Variants in ERC1 observed in about 807,000 individuals in gnomAD.
The protein encoded by ERC1 is ELKS/RAB6-interacting/CAST family member 1, also known as RAB6 interacting protein 2.
ERC1 carries 56 observed loss-of-function variants against 132.0 expected under a neutral mutation model. The observed-to-expected ratio is 0.42, with a 90% CI of 0.34 to 0.53. ERC1 has a LOEUF of 0.53. Among genes scored for constraint, ERC1 ranks in the 20% least tolerant of loss-of-function variants. ERC1 has a pLI of 0.03. For missense variants in ERC1, 1,202 were observed against 1,349.9 expected, an observed-to-expected ratio of 0.89 and a Z score of 1.72; for synonymous variants, 478 against 476.1, an observed-to-expected ratio of 1.00 and a Z score of -0.05.
intron 1 of ERC1, among the ~76,000 whole-genome samples, chr12:1,025,216 G>A (rs1297053797): frequency 6.6e-6 from 1 of 152,058 alleles, no homozygotes; most frequent in South Asian, 2.1e-4. Context: ...AAAAATTCAG[G>A]TGCTTTATGG....
chr12:1,037,654 CTTTG>C (rs1969335857), intron 2 of ERC1, among the ~76,000 whole-genome samples: 1 of 151,958 alleles, frequency 6.6e-6, no homozygotes, highest in African/African-American at 2.4e-5. Context: ...TTTTTTCTTT[CTTTG>C]TTAGTATTGT....
chr12:1,427,442 A>T (rs1485871662), intron 17 of ERC1, among the ~76,000 whole-genome samples: 2 of 152,248 alleles, frequency 1.3e-5, no homozygotes, highest in African/African-American at 4.8e-5. Context: ...ACAGATCAGC[A>T]TTACTGTTTC....
chr12:1,468,013 G>C (rs1203671700), intron 18 of ERC1, among the ~76,000 whole-genome samples: 2 of 152,170 alleles, frequency 1.3e-5, no homozygotes, highest in African/African-American at 2.4e-5. Context: ...CTGCTGTGTG[G>C]CCCAGTTCCT....
intron 16 of ERC1, among the ~76,000 whole-genome samples, chr12:1,374,462 A>G (rs1355543899): frequency 6.6e-6 from 1 of 152,074 alleles, no homozygotes; most frequent in Non-Finnish European, 1.5e-5. Context: ...GCATCAGAGG[A>G]AGGGGCCAGG....
At chr12:1,474,342 A>G (rs1464803108) in intron 18 of ERC1, among the ~76,000 whole-genome samples, 1 of 152,238 alleles carries the variant, frequency 6.6e-6, no homozygotes, top group Non-Finnish European at 1.5e-5. Context: ...GTCACTGCCA[A>G]CCACAGAGGA....
chr12:1,374,994 C>T (rs543515551), intron 16 of ERC1, among the ~76,000 whole-genome samples: 2 of 152,196 alleles, frequency 1.3e-5, no homozygotes, highest in African/African-American at 4.8e-5. Flanking sequence ...TTCTTTGATT[C>T]CAGTGTTTTG....
intron 15 of ERC1, among the ~76,000 whole-genome samples, chr12:1,366,972 T>C (rs1164496891): frequency 6.6e-6 from 1 of 152,128 alleles, no homozygotes; most frequent in Non-Finnish European, 1.5e-5. Context: ...TTCAGTGAGG[T>C]CCACCCACAG....
At chr12:1,092,637 A>G (rs539880836) in intron 3 of ERC1, among the ~76,000 whole-genome samples, 1 of 152,220 alleles carries the variant, frequency 6.6e-6, no homozygotes, top group African/African-American at 2.4e-5. Context: ...AAATAAGTTT[A>G]AAAAAACTAA....
intron 2 of ERC1, among the ~76,000 whole-genome samples, chr12:1,074,163 G>A (rs909494088): frequency 1.3e-5 from 2 of 151,876 alleles, no homozygotes; most frequent in Non-Finnish European, 2.9e-5. Flanking sequence ...TGCCTGGCCT[G>A]TGATAGGAAT....
chr12:1,125,255 G>C (rs150343687), intron 7 of ERC1, among the ~76,000 whole-genome samples: 1,711 of 151,778 alleles, frequency 0.011, 17 homozygotes, highest in Middle Eastern at 0.044. Flanking sequence ...TGGCCTCCCA[G>C]AGTGCTGGGA....
chr12:990,257 G>A (rs1334537589), upstream of ERC1: 4 of 152,148 alleles, frequency 2.6e-5, no homozygotes, highest in African/African-American at 9.6e-5. Context: ...CTGGAAGGCT[G>A]GGAATAAATA....
intron 7 of ERC1, among the ~76,000 whole-genome samples, chr12:1,127,553 A>T (rs1948333171): frequency 6.6e-6 from 1 of 150,474 alleles, no homozygotes; most frequent in Non-Finnish European, 1.5e-5. Flanking sequence ...CCCAGGCTTG[A>T]GTGCGATGGC....
chr12:1,463,153 T>C (rs2093674678), intron 18 of ERC1, among the ~76,000 whole-genome samples: 1 of 152,168 alleles, frequency 6.6e-6, no homozygotes, highest in East Asian at 1.9e-4. Flanking sequence ...TTTTCTCGGT[T>C]TTGCTCACTT....
Position 1,190,068 on chromosome 12 carries a change from T to A in ERC1, c.2351+16T>A. On this transcript the variant is annotated intron_variant, in intron 12 of 18. Coordinates refer to ENST00000360905, the MANE Select transcript of ERC1 (RefSeq NM_178040.4). ...AGTTGGAAAGGTAAGAAAGTGAAGC[T>A]GATTGGGGCTTATGAGGTTAAAGTA... The A allele has an allele frequency of 6.2e-7, 1 of 1,600,498 alleles. No individual in the cohort carries two copies. The highest frequency in any genetic ancestry group is 8.6e-7 in the Non-Finnish European group (1 of 1,168,188).
At chr12:998,198 T>C (rs1340822991) in intron 1 of ERC1, 3 of 152,236 alleles carry the variant, frequency 2.0e-5, no homozygotes, top group Non-Finnish European at 4.4e-5. Context: ...AGTGAAAATA[T>C]GTATGAAAAT....
At chr12:1,114,140 C>T (rs1704594763) in intron 6 of ERC1, among the ~76,000 whole-genome samples, 1 of 152,148 alleles carries the variant, frequency 6.6e-6, no homozygotes, top group Admixed American at 6.5e-5. Context: ...TCTCCTGCCT[C>T]AGCCTCCTGA....
intron 16 of ERC1, among the ~76,000 whole-genome samples, chr12:1,381,511 A>G (rs1043951704): frequency 4.0e-5 from 6 of 151,532 alleles, no homozygotes; most frequent in Non-Finnish European, 5.9e-5. Flanking sequence ...AATGGCCTCT[A>G]TTGACTAGTT....
chr12:1,188,631 A>G (rs558822176), intron 11 of ERC1, among the ~76,000 whole-genome samples: 1 of 152,332 alleles, frequency 6.6e-6, no homozygotes, highest in East Asian at 1.9e-4. Flanking sequence ...TTTTCTACAC[A>G]TGTGAAGCCT....
At chr12:1,233,798 A>C (rs549325904) in intron 12 of ERC1, among the ~76,000 whole-genome samples, 1 of 152,280 alleles carries the variant, frequency 6.6e-6, no homozygotes, top group African/African-American at 2.4e-5. Flanking sequence ...ACTTTTCTCT[A>C]GATTAGTAGG....
Sources: gnomAD v4.1 joint callset for allele counts (sites outside exome capture counted in the v4.1 genomes callset) on GRCh38, gnomAD v4.1.1 for gene constraint, MANE v1.5 for transcripts, NCBI Gene and HGNC (gene_info 2026-07-23, HGNC 2026-07-21) for gene names.